The following EPB41L1 variants were observed in gnomAD, a reference collection of about 807,000 sequenced individuals.
EPB41L1 encodes band 4.1-like protein 1.
A neutral mutation model predicts 97.8 loss-of-function variants in EPB41L1; 29 were observed. The ratio of observed to expected loss-of-function variants is 0.30; its 90% CI spans 0.22 to 0.40. The LOEUF is 0.40. Among genes scored for constraint, EPB41L1 ranks in the 10% least tolerant of loss-of-function variants. EPB41L1 has a pLI of 1.00. For synonymous variants in EPB41L1, 383 were observed against 459.2 expected, an observed-to-expected ratio of 0.83 and a Z score of 2.12; for missense variants, 812 against 1,162.3, an observed-to-expected ratio of 0.70 and a Z score of 4.38.
chr20:36,103,599 T>G (rs138058763), intron 1 of EPB41L1, among the ~76,000 whole-genome samples: 2 of 152,294 alleles, frequency 1.3e-5, no homozygotes, highest in Admixed American at 6.5e-5. Context: ...CTGAAGTGCT[T>G]TGTGTAAAAT....
upstream of EPB41L1, chr20:36,152,305 A>G (rs1252361878): frequency 6.6e-6 from 1 of 152,304 alleles, no homozygotes; most frequent in Admixed American, 6.5e-5. Context: ...CCCTTTGGGT[A>G]TAAATGCAGA....
chr20:36,113,218 G>T (rs957907243), intron 2 of EPB41L1, among the ~76,000 whole-genome samples: 4 of 152,200 alleles, frequency 2.6e-5, no homozygotes, highest in Non-Finnish European at 5.9e-5. Flanking sequence ...GGCAGGGCGA[G>T]GGAGTAGAGA....
chr20:36,142,310 C>T (rs925211342), intron 2 of EPB41L1, among the ~76,000 whole-genome samples: 2 of 152,068 alleles, frequency 1.3e-5, no homozygotes, highest in African/African-American at 4.8e-5. Context: ...ATTTTTATAA[C>T]GTAGCCACTA....
At chr20:36,196,435 A>G (rs944575286) in intron 13 of EPB41L1, among the ~76,000 whole-genome samples, 14 of 152,168 alleles carry the variant, frequency 9.2e-5, no homozygotes, top group Admixed American at 7.2e-4. Flanking sequence ...CTCACTACCC[A>G]TTGCAGCCCA....
intron 7 of EPB41L1, among the ~76,000 whole-genome samples, chr20:36,187,139 G>C (rs1262144366): frequency 1.3e-5 from 2 of 152,192 alleles, no homozygotes; most frequent in Non-Finnish European, 2.9e-5. Context: ...CTGTGACTAA[G>C]TATAAAATGT....
intron 2 of EPB41L1, among the ~76,000 whole-genome samples, chr20:36,116,551 TC>T (rs1275590561): frequency 6.6e-6 from 1 of 152,120 alleles, no homozygotes; most frequent in Non-Finnish European, 1.5e-5. Flanking sequence ...AGTGCTTCAT[TC>T]CCTTCTTCCT....
At chr20:36,156,093 C>T (rs1217311928) in intron 1 of EPB41L1, among the ~76,000 whole-genome samples, 1 of 152,170 alleles carries the variant, frequency 6.6e-6, no homozygotes, top group Non-Finnish European at 1.5e-5. Flanking sequence ...ATGGAGCCTG[C>T]GGCAGAGGCA....
Position 36,230,615 on chromosome 20 carries a change from GC to G in EPB41L1, c.*1281del. On this transcript the variant is annotated 3_prime_UTR_variant, in exon 22 of 22. Coordinates refer to ENST00000338074, the MANE Select transcript of EPB41L1 (RefSeq NM_012156.2). ...TGCCAGTTCAAGACACCTTCTCCCTGCCCCCCTGGTAGTAACAGTCAGGGCC... is the reference window on the plus strand; with the variant it reads ...TGCCAGTTCAAGACACCTTCTCCCTGCCCCCTGGTAGTAACAGTCAGGGCC... The G allele has an allele frequency of 6.6e-6, 1 of 152,328 alleles. No homozygotes were observed. Among genetic ancestry groups the G allele is most frequent in the Non-Finnish European group, 1.5e-5 (1 of 68,104 alleles). 9.4% of individuals were successfully genotyped at this position (152,328 alleles called of 1,614,324 possible).
At position 36,206,214 on chromosome 20, in the gene EPB41L1, C is replaced by CACCA; in HGVS notation, c.1669-3273_1669-3270dup. The CACCA allele has an allele frequency of 7.8e-7, 1 of 1,289,932 alleles. No individual in the cohort carries two copies. Among genetic ancestry groups the CACCA allele is most frequent in the Non-Finnish European group, 1.0e-6 (1 of 988,906 alleles). The allele number at this position is 1,289,932 out of a possible 1,614,324, so 79.9% of individuals were successfully genotyped here. On this transcript the variant is annotated intron_variant, in intron 14 of 21. Coordinates refer to ENST00000338074, the MANE Select transcript of EPB41L1 (RefSeq NM_012156.2). This position sits in a 1 kb window ranked among gnomAD's most constrained non-coding sequence, Gnocchi z 5.5. ...TCGAGGGCTCTGAGCTCAGGGCAGACACCAGAGAGGCAACCATCAGGAACC... is the reference window on the plus strand; with the variant it reads ...TCGAGGGCTCTGAGCTCAGGGCAGACACCAACCAGAGAGGCAACCATCAGGAACC...
At chr20:36,181,288 C>T (rs192185563) in intron 5 of EPB41L1, among the ~76,000 whole-genome samples, 8 of 152,250 alleles carry the variant, frequency 5.3e-5, no homozygotes, top group African/African-American at 1.2e-4. Flanking sequence ...TGTAGACTTT[C>T]GCTAATTTTG....
chr20:36,187,394 A>C (rs2061727663), intron 7 of EPB41L1, among the ~76,000 whole-genome samples: 1 of 152,222 alleles, frequency 6.6e-6, no homozygotes, highest in African/African-American at 2.4e-5. Context: ...CAGTCAACTC[A>C]GTGGCAGAAT....
intron 1 of EPB41L1, among the ~76,000 whole-genome samples, chr20:36,101,600 A>G (rs1006151226): frequency 1.3e-5 from 2 of 152,172 alleles, no homozygotes; most frequent in Non-Finnish European, 2.9e-5. Flanking sequence ...TAAAAGGGGG[A>G]GCAGCTTAGC....
In EPB41L1 at chr20:36,207,105, T is replaced by G; in HGVS notation, c.1669-2383T>G. On this transcript the variant is annotated intron_variant, in intron 14 of 21. Coordinates refer to ENST00000338074, the MANE Select transcript of EPB41L1 (RefSeq NM_012156.2). This position sits in a 1 kb window ranked among gnomAD's most constrained non-coding sequence, Gnocchi z 4.9. The stretch of plus-strand genomic sequence containing the variant: ...TTCCCCTGCCAGCCTCCCCTGGTCA[T>G]TCTGAGGACCTGGCAGCTCTGGAGG... 1 of 1,289,376 alleles carries G rather than the reference T, an allele frequency of 7.8e-7. No homozygotes were observed. 79.9% of individuals were successfully genotyped at this position (1,289,376 alleles called of 1,614,324 possible).
At chr20:36,156,925 A>G (rs1447913936) in intron 1 of EPB41L1, among the ~76,000 whole-genome samples, 2 of 152,120 alleles carry the variant, frequency 1.3e-5, no homozygotes, top group African/African-American at 2.4e-5. Context: ...TCTCTGTCCC[A>G]TTTGTTAAAA....
At position 36,194,303 on chromosome 20, in the gene EPB41L1, A is replaced by G. The variant is rs1313540774; in HGVS notation, c.1392A>G (p.Gln464=). The change falls in exon 12 of 22, where the codon CAA becomes CAG. Residue 464 remains glutamine (Q), a synonymous_variant. Transcript: ENST00000338074. ...KRDEDGESGG[Q]RSEAEEGEVR... is the part of the protein sequence containing the mutation. ...ATGAGGATGGCGAGTCTGGGGGGCA[A>G]CGGTCAGAGGCTGAGGAGGGAGAGG... 3.7e-6 allele frequency: 6 copies of G among 1,614,158 alleles called. No individual in the cohort carries two copies. The highest frequency in any genetic ancestry group is 5.1e-6 in the Non-Finnish European group (6 of 1,180,008).
chr20:36,123,012 T>C (rs1023578655), intron 2 of EPB41L1, among the ~76,000 whole-genome samples: 1 of 151,956 alleles, frequency 6.6e-6, no homozygotes, highest in Non-Finnish European at 1.5e-5. Flanking sequence ...CCAGTCTCCA[T>C]GGGAAAGTTT....
Position 36,138,332 on chromosome 20 carries a change from T to G in EPB41L1, c.-10+25852T>G, listed in dbSNP as rs2059498587. 2.6e-5 allele frequency among the ~76,000 whole-genome samples: 4 copies of G among 150,950 alleles called. No individual in the cohort carries two copies. The Admixed American group carries it at 2.7e-4, about 10-fold the overall frequency. ...CAGGCTGGAGTGCAGTGGCACGATCTCAGGCTCACTGCAGCCTCTGCCTCC... is the reference window on the plus strand; with the variant it reads ...CAGGCTGGAGTGCAGTGGCACGATCGCAGGCTCACTGCAGCCTCTGCCTCC... On this transcript the variant is annotated intron_variant, in intron 2 of 19. Transcript: ENST00000202028.
intron 1 of EPB41L1, among the ~76,000 whole-genome samples, chr20:36,095,290 TAG>T (rs1490094750): frequency 6.6e-6 from 1 of 152,114 alleles, no homozygotes; most frequent in East Asian, 1.9e-4. Context: ...GTATTTTTAG[TAG>T]AGACAGGGTT....
chr20:36,209,950 A>C lies in EPB41L1; in HGVS notation c.2079+52A>C. ...GGCCCGCTGGGCACCGCATGCTCAG[A>C]GGGCCCTGGGCCACCCGTGAGAAGA... On this transcript the variant is annotated intron_variant, in intron 15 of 21. Transcript: ENST00000338074. This position sits in a 1 kb window ranked among gnomAD's most constrained non-coding sequence, Gnocchi z 4.2. 4 of 1,598,442 alleles carry C rather than the reference A, an allele frequency of 2.5e-6. No homozygotes were observed. In the South Asian group the frequency reaches 4.5e-5, roughly 18 times the overall value.
Sources: allele counts gnomAD v4.1 joint callset (sites outside exome capture counted in the v4.1 genomes callset), GRCh38; gene constraint gnomAD v4.1.1; non-coding constraint Gnocchi (gnomAD v3.1); transcripts MANE v1.5; gene names NCBI Gene and HGNC (gene_info 2026-07-23, HGNC 2026-07-21).